LMX1B: variants seen among roughly 807,000 people sequenced by gnomAD.
The protein encoded by LMX1B is LIM homeobox transcription factor 1-beta.
Under a neutral mutation model 51.4 loss-of-function variants are expected in LMX1B, and 12 were observed. That is an observed-to-expected ratio of 0.23 (90% CI 0.15 to 0.38). LMX1B has a LOEUF of 0.38. Ranked by LOEUF, LMX1B falls within the 10% of genes least tolerant of loss-of-function variation. The pLI is 1.00. For synonymous variants in LMX1B, 237 were observed against 235.4 expected (o/e 1.01, Z -0.06); for missense variants, 445 against 571.1 (o/e 0.78, Z 2.25).
At chr9:126,630,914 A>G (rs1361266814) in intron 2 of LMX1B, among the ~76,000 whole-genome samples, 1 of 152,232 alleles carries the variant, frequency 6.6e-6, no homozygotes, top group Admixed American at 6.5e-5. Flanking sequence ...GCAGCAATTC[A>G]GGGCAGGCGT....
chr9:126,638,775 C>T (rs940125644), intron 2 of LMX1B, among the ~76,000 whole-genome samples: 2 of 152,136 alleles, frequency 1.3e-5, no homozygotes, highest in South Asian at 2.1e-4. Flanking sequence ...TAACACGGGC[C>T]GGCGGCGCGG....
chr9:126,685,901 A>G (rs1203251796), intron 2 of LMX1B, among the ~76,000 whole-genome samples: 4 of 152,104 alleles, frequency 2.6e-5, no homozygotes, highest in Non-Finnish European at 5.9e-5. Context: ...AGTGCTAGGA[A>G]GTGATAGGGC....
chr9:126,618,840 A>C lies in LMX1B; in HGVS notation c.326+3271A>C. On this transcript the variant is annotated intron_variant, in intron 2 of 7. Transcript: ENST00000373474. This position sits in a 1 kb window ranked among gnomAD's most constrained non-coding sequence, Gnocchi z 4.5. ...AGTCCAAAAATCTGTCACAAAATGG[A>C]GTCTAATCGCTTGTAAGACAGCTCC... Among the ~76,000 whole-genome samples the C allele has an allele frequency of 6.6e-6, 1 of 151,728 alleles. No individual in the cohort carries two copies. The highest frequency in any genetic ancestry group is 1.9e-4 in the East Asian group (1 of 5,142).
At chr9:126,681,192 G>A (rs1836663629) in intron 2 of LMX1B, among the ~76,000 whole-genome samples, 1 of 152,134 alleles carries the variant, frequency 6.6e-6, no homozygotes, top group African/African-American at 2.4e-5. Flanking sequence ...ATCTCTGGGT[G>A]TGTCTCCATC....
At chr9:126,668,938 C>T (rs547927362) in intron 2 of LMX1B, among the ~76,000 whole-genome samples, 12 of 152,328 alleles carry the variant, frequency 7.9e-5, no homozygotes, top group African/African-American at 2.9e-4. Context: ...GCATGCCGCA[C>T]TTGCCCTTTG....
At chr9:126,632,002 C>T (rs1196078168) in intron 2 of LMX1B, among the ~76,000 whole-genome samples, 1 of 152,128 alleles carries the variant, frequency 6.6e-6, no homozygotes, top group Non-Finnish European at 1.5e-5. Context: ...GTGCGCAGTT[C>T]GTACTGAAAG....
At chr9:126,661,116 A>C (rs1836234000) in intron 2 of LMX1B, among the ~76,000 whole-genome samples, 1 of 152,240 alleles carries the variant, frequency 6.6e-6, no homozygotes, top group Non-Finnish European at 1.5e-5. Context: ...CTCTAACCGT[A>C]GTAGACACGC....
chr9:126,613,972 C>T lies in LMX1B; in HGVS notation c.-478C>T, dbSNP rs1441299299. 2.7e-5 allele frequency among the ~76,000 whole-genome samples: 4 copies of T among 145,802 alleles called. No individual in the cohort carries two copies. Among genetic ancestry groups the T allele is most frequent in the Non-Finnish European group, 6.1e-5 (4 of 65,668 alleles). On this transcript the variant is annotated 5_prime_UTR_variant, in exon 1 of 8. Coordinates refer to ENST00000373474, the MANE Select transcript of LMX1B (RefSeq NM_001174147.2). This position sits in a 1 kb window ranked among gnomAD's most constrained non-coding sequence, Gnocchi z 4.5. ...GCGGCTCAGCGGGCGCACCATGGCA[C>T]TGGAGTAGCGCGGGGAGCGCGCCCG... is the stretch of plus-strand genomic sequence containing the variant.
At chr9:126,622,917 C>T (rs1835444403) in intron 2 of LMX1B, among the ~76,000 whole-genome samples, 1 of 152,256 alleles carries the variant, frequency 6.6e-6, no homozygotes, top group Non-Finnish European at 1.5e-5. Context: ...CCTCAGTTCC[C>T]TTCTCTGTGA....
intron 2 of LMX1B, among the ~76,000 whole-genome samples, chr9:126,684,354 C>G (rs895616734): frequency 1.3e-5 from 2 of 152,104 alleles, no homozygotes; most frequent in African/African-American, 4.8e-5. Context: ...AGAGAAAGTT[C>G]CAGAGACAGA....
rs924205336 is a variant in LMX1B at position 126,615,173 on chromosome 9, G to A, written c.140-210G>A. On this transcript the variant is annotated intron_variant, in intron 1 of 7. Coordinates refer to ENST00000373474, the MANE Select transcript of LMX1B (RefSeq NM_001174147.2). The surrounding 1 kb of genome is among the most constrained non-coding windows in gnomAD (Gnocchi z 6.0). ...AGCGCCGAGCCAAGGCTCGAGGCCC[G>A]CGGCCTCTCCACGCCGGAGCCCGAG... Among the ~76,000 whole-genome samples, 3 of 152,054 alleles carry A rather than the reference G, an allele frequency of 2.0e-5. No homozygotes were observed. The highest frequency in any genetic ancestry group is 6.5e-5 in the Admixed American group (1 of 15,292).
At chr9:126,690,768 C>T (rs574693776) in intron 2 of LMX1B, 68 bp from the exon 3 acceptor site, 363 of 1,396,030 alleles carry the variant, frequency 2.6e-4, no homozygotes, top group Non-Finnish European at 7.6e-5. Context: ...GGGAGAGGCC[C>T]TCGGCAGGAG....
At chr9:126,647,005 A>G (rs1261293977) in intron 2 of LMX1B, among the ~76,000 whole-genome samples, 1 of 152,228 alleles carries the variant, frequency 6.6e-6, no homozygotes, top group Non-Finnish European at 1.5e-5. Flanking sequence ...GGTCTTATGT[A>G]AGAGGAAACA....
chr9:126,643,098 G>A (rs530199520), intron 2 of LMX1B, among the ~76,000 whole-genome samples: 1 of 152,194 alleles, frequency 6.6e-6, no homozygotes, highest in East Asian at 1.9e-4. Context: ...TCAGGGGCCT[G>A]ATAAGATCTT....
At chr9:126,689,230 A>T (rs2118983399) in intron 2 of LMX1B, among the ~76,000 whole-genome samples, 1 of 152,340 alleles carries the variant, frequency 6.6e-6, no homozygotes. Context: ...TGCTCTGGCC[A>T]GTGCCCAGGC....
intron 2 of LMX1B, among the ~76,000 whole-genome samples, chr9:126,647,521 G>A (rs1192690347): frequency 2.0e-5 from 3 of 152,210 alleles, no homozygotes; most frequent in Non-Finnish European, 2.9e-5. Flanking sequence ...CTAGTCCCCT[G>A]ATGATGGACA....
intron 2 of LMX1B, among the ~76,000 whole-genome samples, chr9:126,632,592 G>A (rs1235148779): frequency 6.6e-6 from 1 of 152,204 alleles, no homozygotes; most frequent in African/African-American, 2.4e-5. Flanking sequence ...GGCAACATGT[G>A]CCTGGGATTA....
rs34682917 is a variant in LMX1B, at chr9:126,693,093, C to T, written c.560-49C>T. The T allele has an allele frequency of 0.12, 176,824 of 1,534,838 alleles. 12,013 individuals carry two copies. Among genetic ancestry groups the T allele is most frequent in the East Asian group, 0.33 (13,384 of 40,648 alleles). On this transcript the variant is annotated intron_variant, in intron 3 of 7. Coordinates refer to ENST00000373474, the MANE Select transcript of LMX1B (RefSeq NM_001174147.2). ...TTGCCGAAGGGGACAAGGCTGAGGC[C>T]TGGGCTGCCCCCGCCCCTTCATCAC...
Position 126,664,745 on chromosome 9 carries a change from C to T in LMX1B, c.327-26091C>T, listed in dbSNP as rs150980770. Among the ~76,000 whole-genome samples the T allele has an allele frequency of 8.0e-4, 122 of 152,182 alleles. 3 individuals carry two copies. In the East Asian group the frequency reaches 0.015, roughly 19 times the overall value. ...CAAAAATTAGCTGGGTGTGGTGGTG[C>T]GCGCCTGTAATCCCACCTACTTAGG... is the stretch of plus-strand genomic sequence containing the variant. On this transcript the variant is annotated intron_variant, in intron 2 of 7. Coordinates refer to ENST00000373474, the MANE Select transcript of LMX1B (RefSeq NM_001174147.2).
Sources: gnomAD v4.1 joint callset for allele counts (sites outside exome capture counted in the v4.1 genomes callset) on GRCh38, gnomAD v4.1.1 for gene constraint, Gnocchi (gnomAD v3.1) non-coding constraint, MANE v1.5 for transcripts, NCBI Gene and HGNC (gene_info 2026-07-23, HGNC 2026-07-21) for gene names.